The following OSBPL8 variants were observed in gnomAD, a reference collection of about 807,000 sequenced individuals.
OSBPL8 encodes oxysterol-binding protein-related protein 8.
In OSBPL8, 59 loss-of-function variants were observed where a neutral mutation model predicts 125.5. The ratio of observed to expected loss-of-function variants is 0.47; its 90% CI spans 0.38 to 0.58. The LOEUF is 0.58. Ranked by LOEUF, OSBPL8 falls within the 20% of genes least tolerant of loss-of-function variation. The pLI is 0.00. For missense variants in OSBPL8, 758 were observed against 1,047.8 expected (o/e 0.72, Z 3.82); for synonymous variants, 330 against 338.9 (o/e 0.97, Z 0.29).
intron 2 of OSBPL8, among the ~76,000 whole-genome samples, chr12:76,469,942 C>T (rs1424911201): frequency 1.3e-5 from 2 of 152,150 alleles, no homozygotes; most frequent in African/African-American, 4.8e-5. Context: ...ACCCTAATAC[C>T]TAGCAAAGTC....
At chr12:76,523,440 T>C (rs1413641298) in intron 1 of OSBPL8, among the ~76,000 whole-genome samples, 3 of 152,190 alleles carry the variant, frequency 2.0e-5, no homozygotes, top group Non-Finnish European at 4.4e-5. Flanking sequence ...AAAAAGTCAA[T>C]TCCTCACTGC....
chr12:76,508,059 T>C (rs1003472325), intron 1 of OSBPL8, among the ~76,000 whole-genome samples: 2 of 150,948 alleles, frequency 1.3e-5, no homozygotes. Flanking sequence ...TTATCCCAGC[T>C]ACTCGCAAGG....
At position 76,450,987 on chromosome 12, in the gene OSBPL8, A is replaced by T; in HGVS notation, c.81T>A (p.Thr27=). 2 of 1,612,126 alleles carry T rather than the reference A, an allele frequency of 1.2e-6. No homozygotes were observed. The highest frequency in any genetic ancestry group is 2.2e-5 in the South Asian group (2 of 90,780). ...GAGATTCGTCACTGTTTGCTACAAC[A>T]GCTCAAGGAAAGAAGGGAAAAATAA... The part of the protein sequence containing the change: ...GDSKDVLGPS[T]VVANSDESQL... The change falls in exon 4 of 24, where the codon ACT becomes ACA. Residue 27 remains threonine, a splice_region_variant and synonymous_variant. Transcript: ENST00000261183.
intron 6 of OSBPL8, among the ~76,000 whole-genome samples, chr12:76,402,100 C>T (rs1207935789): frequency 6.6e-6 from 1 of 152,052 alleles, no homozygotes; most frequent in African/African-American, 2.4e-5. Context: ...ATATGGGATG[C>T]AAATACAAAT....
At chr12:76,467,246 C>T (rs745847334) in intron 2 of OSBPL8, among the ~76,000 whole-genome samples, 5 of 152,116 alleles carry the variant, frequency 3.3e-5, no homozygotes, top group Non-Finnish European at 7.4e-5. Flanking sequence ...AGTGAATGGC[C>T]ATTACCAGTG....
In OSBPL8 at chr12:76,559,565, G is replaced by T. The variant is rs1283959392; in HGVS notation, c.-236C>A. The T allele has an allele frequency of 6.6e-6, 1 of 152,380 alleles. No individual in the cohort carries two copies. Among genetic ancestry groups the T allele is most frequent in the East Asian group, 1.9e-4 (1 of 5,160 alleles). The allele number at this position is 152,380 out of a possible 1,614,324, so 9.4% of individuals were successfully genotyped here. On this transcript the variant is annotated 5_prime_UTR_variant, in exon 1 of 24. Coordinates refer to ENST00000261183, the MANE Select transcript of OSBPL8 (RefSeq NM_020841.5). ...CCTGGACGAAGGGCGCTGCCCAGCG[G>T]CCGCGGAGGCACTGCCGGCTCAGCC...
intron 4 of OSBPL8, among the ~76,000 whole-genome samples, chr12:76,418,345 C>T (rs538264476): frequency 6.6e-6 from 1 of 152,204 alleles, no homozygotes; most frequent in East Asian, 1.9e-4. Flanking sequence ...CCAAAGTATT[C>T]TGTCTCTTGT....
Position 76,356,724 on chromosome 12 carries a change from T to A in OSBPL8, c.2439A>T (p.Gln813His). ...DIQDSSGSEA[Q>H]SVKPSTRRKK... ...TTCTTCTTGTACTTGGTTTTACTGA[T>A]TGAGCTAAAAAGACATTTAGAATGA... Residue 813 changes from glutamine (Q) to histidine (H), a missense_variant, in exon 23 of 24, where the codon CAA becomes CAT. By Grantham distance (24) the Gln-to-His change is conservative. Around this residue, in one of 3 missense-constraint regions of OSBPL8, gnomAD observed 572 missense variants for 762.0 expected, o/e 0.75. Transcript: ENST00000261183. 1 of 1,593,532 alleles carries A rather than the reference T, an allele frequency of 6.3e-7. No individual in the cohort carries two copies. The highest frequency in any genetic ancestry group is 8.6e-7 in the Non-Finnish European group (1 of 1,164,628).
intron 2 of OSBPL8, among the ~76,000 whole-genome samples, chr12:76,470,759 C>A (rs537520540): frequency 6.6e-6 from 1 of 152,296 alleles, no homozygotes; most frequent in South Asian, 2.1e-4. Flanking sequence ...ACCCCCATGA[C>A]TCATCAATCT....
intron 2 of OSBPL8, among the ~76,000 whole-genome samples, chr12:76,460,235 T>TA (rs1355610307): frequency 1.3e-5 from 2 of 152,076 alleles, no homozygotes; most frequent in Non-Finnish European, 2.9e-5. Context: ...TTAGTAAAGG[T>TA]AAAAATTACA....
chr12:76,409,023 T>G (rs1229432221), intron 5 of OSBPL8, among the ~76,000 whole-genome samples: 1 of 152,268 alleles, frequency 6.6e-6, no homozygotes, highest in South Asian at 2.1e-4. Flanking sequence ...TAAATCTCAT[T>G]GTATTTCTAG....
intron 3 of OSBPL8, 35 bp downstream of exon 3, chr12:76,459,824 T>A: frequency 6.2e-7 from 1 of 1,611,920 alleles, no homozygotes; most frequent in Non-Finnish European, 8.5e-7. Context: ...TATTATCATG[T>A]CCCCAAACAT....
At chr12:76,418,915 AAAT>A (rs1869096682) in intron 4 of OSBPL8, among the ~76,000 whole-genome samples, 1 of 151,974 alleles carries the variant, frequency 6.6e-6, no homozygotes, top group Non-Finnish European at 1.5e-5. Context: ...ATCAATTAAG[AAAT>A]AATAATGGAT....
intron 1 of OSBPL8, among the ~76,000 whole-genome samples, chr12:76,491,948 G>C (rs1365047875): frequency 6.6e-6 from 1 of 151,790 alleles, no homozygotes; most frequent in Non-Finnish European, 1.5e-5. Context: ...CAATTTTAGG[G>C]ATCCATCTAT....
chr12:76,358,640 A>G (rs1393398947), intron 22 of OSBPL8, 66 bp downstream of exon 22: 7 of 1,313,442 alleles, frequency 5.3e-6, no homozygotes, highest in African/African-American at 1.5e-5. Flanking sequence ...GAAAAACCAT[A>G]TTCATATCAA....
intron 1 of OSBPL8, among the ~76,000 whole-genome samples, chr12:76,534,493 A>G (rs1950437591): frequency 6.6e-6 from 1 of 152,186 alleles, no homozygotes; most frequent in African/African-American, 2.4e-5. Context: ...GCTAAAGAAG[A>G]ATACCAATTG....
Position 76,373,335 on chromosome 12 carries a change from A to T in OSBPL8, c.1917+9T>A. On this transcript the variant is annotated intron_variant, in intron 18 of 23. Transcript: ENST00000261183. ...TTCTTTTTGTAAAGCTCATATACAA[A>T]ATACTTACCCAATGACCTTCCAAAG... 1 of 1,550,810 alleles carries T rather than the reference A, an allele frequency of 6.4e-7. No homozygotes were observed. Among genetic ancestry groups the T allele is most frequent in the African/African-American group, 1.4e-5 (1 of 72,690 alleles).
At chr12:76,428,539 AAG>A (rs1870431567) in intron 4 of OSBPL8, among the ~76,000 whole-genome samples, 1 of 152,166 alleles carries the variant, frequency 6.6e-6, no homozygotes, top group African/African-American at 2.4e-5. Flanking sequence ...AAAGCACTGT[AAG>A]AGTTACACAT....
At chr12:76,363,897 T>A (rs1952304852) in intron 21 of OSBPL8, among the ~76,000 whole-genome samples, 2 of 151,764 alleles carry the variant, frequency 1.3e-5, no homozygotes, top group African/African-American at 4.8e-5. Flanking sequence ...AACAAACACA[T>A]GAAAAAAAAT....
Sources: gnomAD v4.1 joint callset for allele counts (sites outside exome capture counted in the v4.1 genomes callset) on GRCh38, gnomAD v4.1.1 for gene constraint, gnomAD v4.1.1 regional missense constraint, MANE v1.5 for transcripts, NCBI Gene and HGNC (gene_info 2026-07-23, HGNC 2026-07-21) for gene names.